The following SYN3 variants were observed in gnomAD, a reference collection of about 807,000 sequenced individuals.
The protein encoded by SYN3 is synapsin-3.
In SYN3, 35 loss-of-function variants were observed where a neutral mutation model predicts 65.8. That is an observed-to-expected ratio of 0.53 (90% confidence interval 0.41 to 0.70). The LOEUF is 0.70. Ranked by LOEUF, SYN3 falls within the 30% of genes least tolerant of loss-of-function variation. The pLI is 0.00. For synonymous variants in SYN3, 270 were observed against 292.9 expected (o/e 0.92, Z 0.80); for missense variants, 680 against 749.0 (o/e 0.91, Z 1.08).
At chr22:32,721,343 G>A (rs1178852761) in intron 6 of SYN3, among the ~76,000 whole-genome samples, 1 of 152,062 alleles carries the variant, frequency 6.6e-6, no homozygotes, top group African/African-American at 2.4e-5. Flanking sequence ...ATTCTGACTG[G>A]AGTTATTTGC....
intron 6 of SYN3, among the ~76,000 whole-genome samples, chr22:32,743,033 A>C (rs2147404268): frequency 6.6e-6 from 1 of 152,362 alleles, no homozygotes; most frequent in Middle Eastern, 3.4e-3. Flanking sequence ...TCCATTCAAT[A>C]ATAGTGAATA....
chr22:32,864,867 T>C (rs1326499434), intron 6 of SYN3, 48 bp downstream of exon 6: 1 of 1,530,028 alleles, frequency 6.5e-7, no homozygotes, highest in Non-Finnish European at 9.1e-7. Flanking sequence ...AAGTCATCTG[T>C]ATTCATTCCG....
intron 3 of SYN3, chr22:32,947,503 C>A (rs182038882): frequency 2.6e-5 from 4 of 152,172 alleles, no homozygotes; most frequent in Non-Finnish European, 5.9e-5. Flanking sequence ...GGCCTCCAGA[C>A]TGTGACAAGG....
At chr22:32,839,524 G>T (rs937527045) in intron 6 of SYN3, among the ~76,000 whole-genome samples, 16 of 152,222 alleles carry the variant, frequency 1.1e-4, no homozygotes, top group African/African-American at 3.6e-4. Flanking sequence ...CCCTCCCCAG[G>T]TAAGTCGGCC....
chr22:32,650,214 T>TC (rs1159654028), intron 6 of SYN3, among the ~76,000 whole-genome samples: 2 of 130,110 alleles, frequency 1.5e-5, no homozygotes, highest in Non-Finnish European at 3.1e-5. Context: ...TACACTTTTC[T>TC]TTCTCTCTCT....
At chr22:32,632,211 G>C (rs989564643) in intron 6 of SYN3, among the ~76,000 whole-genome samples, 1 of 152,228 alleles carries the variant, frequency 6.6e-6, no homozygotes, top group African/African-American at 2.4e-5. Flanking sequence ...TGCCAGGAGG[G>C]GTTGGTGAAT....
intron 6 of SYN3, among the ~76,000 whole-genome samples, chr22:32,603,872 G>C (rs1358143836): frequency 6.6e-6 from 1 of 152,276 alleles, no homozygotes; most frequent in East Asian, 1.9e-4. Flanking sequence ...GCACTGCCCA[G>C]TGGCGTAAGA....
Position 32,854,326 on chromosome 22 carries a change from A to T in SYN3, c.711+10589T>A, listed in dbSNP as rs548222009. Among the ~76,000 whole-genome samples, 6 of 152,316 alleles carry T rather than the reference A, an allele frequency of 3.9e-5. No homozygotes were observed. The East Asian group carries it at 1.2e-3, about 29-fold the overall frequency. ...TGCAGGTTCCTTCAAACTTCCAAGTAGCTGCGGTGCCAAGCTGATTTCGAT... is the reference window on the plus strand; with the variant it reads ...TGCAGGTTCCTTCAAACTTCCAAGTTGCTGCGGTGCCAAGCTGATTTCGAT... On this transcript the variant is annotated intron_variant, in intron 6 of 13. Coordinates refer to ENST00000358763, the MANE Select transcript of SYN3 (RefSeq NM_003490.4).
intron 12 of SYN3, among the ~76,000 whole-genome samples, chr22:32,522,387 G>C (rs2057899995): frequency 6.6e-6 from 1 of 152,176 alleles, no homozygotes; most frequent in South Asian, 2.1e-4. Flanking sequence ...CTGGGCCAGA[G>C]AGGAAATCAG....
intron 7 of SYN3, among the ~76,000 whole-genome samples, chr22:32,555,377 A>C (rs575802474): frequency 6.6e-6 from 1 of 152,340 alleles, no homozygotes; most frequent in East Asian, 1.9e-4. Flanking sequence ...ACAGAAACAC[A>C]TAAGCAACTG....
At chr22:32,543,436 A>G (rs1160269617) in intron 7 of SYN3, among the ~76,000 whole-genome samples, 4 of 152,194 alleles carry the variant, frequency 2.6e-5, no homozygotes, top group Non-Finnish European at 5.9e-5. Flanking sequence ...CTAAACAGCA[A>G]CAGGAGAGAG....
intron 2 of SYN3, among the ~76,000 whole-genome samples, chr22:32,993,252 G>A (rs189653675): frequency 7.5e-4 from 114 of 152,204 alleles, no homozygotes; most frequent in African/African-American, 2.4e-3. Flanking sequence ...GGGGCCCGGG[G>A]ATCCAGGGAC....
At chr22:32,883,287 A>T (rs1426247287) in intron 4 of SYN3, among the ~76,000 whole-genome samples, 2 of 152,082 alleles carry the variant, frequency 1.3e-5, no homozygotes, top group African/African-American at 4.8e-5. Flanking sequence ...TTCCAGCTGC[A>T]CCCTCCACTG....
At chr22:33,039,925 C>T (rs926152220) in intron 1 of SYN3, among the ~76,000 whole-genome samples, 1 of 152,104 alleles carries the variant, frequency 6.6e-6, no homozygotes, top group Non-Finnish European at 1.5e-5. Context: ...AAAGTGTTAG[C>T]TCATAGTAGA....
intron 3 of SYN3, among the ~76,000 whole-genome samples, chr22:32,980,265 A>G (rs767735617): frequency 1.3e-5 from 2 of 152,184 alleles, no homozygotes; most frequent in Admixed American, 6.5e-5. Flanking sequence ...GCCCTTCATT[A>G]TGTTCCTAAA....
chr22:32,890,286 G>A (rs1288374896), intron 4 of SYN3, among the ~76,000 whole-genome samples: 1 of 151,552 alleles, frequency 6.6e-6, no homozygotes, highest in Non-Finnish European at 1.5e-5. Flanking sequence ...TGCTGCCCAG[G>A]CTGGTCTCAA....
At chr22:32,751,344 C>G (rs1303679753) in intron 6 of SYN3, among the ~76,000 whole-genome samples, 1 of 152,136 alleles carries the variant, frequency 6.6e-6, no homozygotes, top group Non-Finnish European at 1.5e-5. Flanking sequence ...CTGCTCTGGC[C>G]CTGAGAAGTT....
chr22:32,800,251 G>A (rs1258528224), intron 6 of SYN3, among the ~76,000 whole-genome samples: 1 of 152,170 alleles, frequency 6.6e-6, no homozygotes, highest in Non-Finnish European at 1.5e-5. Flanking sequence ...ACAGGATGAA[G>A]CGGAAGAGAA....
chr22:32,652,379 G>GTTT (rs71187204), intron 6 of SYN3, among the ~76,000 whole-genome samples: 1 of 138,870 alleles, frequency 7.2e-6, no homozygotes, highest in African/African-American at 2.6e-5. Flanking sequence ...TGCGATGCAA[G>GTTT]TTTTTTTTTT....
Sources: allele counts gnomAD v4.1 joint callset (sites outside exome capture counted in the v4.1 genomes callset), GRCh38; gene constraint gnomAD v4.1.1; transcripts MANE v1.5; gene names NCBI Gene and HGNC (gene_info 2026-07-23, HGNC 2026-07-21).